Variants in ADGRB3 observed in about 807,000 individuals in gnomAD.
ADGRB3 encodes the protein adhesion G protein-coupled receptor B3, also known as brain-specific angiogenesis inhibitor 3.
In ADGRB3, 37 loss-of-function variants were observed where a neutral mutation model predicts 193.4. The ratio of observed to expected loss-of-function variants is 0.19; its 90% CI spans 0.15 to 0.25. The LOEUF (loss-of-function observed/expected upper bound fraction) is 0.25. Among genes scored for constraint, ADGRB3 ranks in the 10% least tolerant of loss-of-function variants. ADGRB3 has a pLI of 1.00. For missense variants in ADGRB3, 1,637 were observed against 1,852.9 expected (o/e 0.88, Z 2.14); for synonymous variants, 690 against 644.2 (o/e 1.07, Z -1.08).
chr6:68,734,273 T>C (rs1765831449), intron 3 of ADGRB3, among the ~76,000 whole-genome samples: 2 of 151,812 alleles, frequency 1.3e-5, no homozygotes, highest in Admixed American at 1.3e-4. Context: ...GAATGTAGAA[T>C]ACAGGTGGAA....
chr6:68,740,456 A>G (rs1167977691), intron 3 of ADGRB3, among the ~76,000 whole-genome samples: 11 of 152,206 alleles, frequency 7.2e-5, no homozygotes, highest in South Asian at 2.1e-4. Flanking sequence ...AAATATTCTT[A>G]TGGGTAATTA....
chr6:69,209,246 A>G (rs1239439070), intron 17 of ADGRB3, among the ~76,000 whole-genome samples: 1 of 152,332 alleles, frequency 6.6e-6, no homozygotes, highest in Non-Finnish European at 1.5e-5. Context: ...AATGTGCCAG[A>G]GTAACACACC....
chr6:68,638,811 GA>G lies in ADGRB3; in HGVS notation c.139del (p.Met47CysfsTer25). On this transcript the variant is annotated frameshift_variant, in exon 3 of 32. Coordinates refer to ENST00000370598, the MANE Select transcript of ADGRB3 (RefSeq NM_001704.3). LOFTEE classifies it high-confidence loss of function. ...GVIYGSYSVS[E>X]MFPKNFTNCT... ...CATTTATGGATCGTATTCTGTAAGT[GA>G]AATGTTTCCTAAAAACTTTACAAAC... 6.2e-7 allele frequency: 1 copy of G among 1,614,086 alleles called. No homozygotes were observed. The highest frequency in any genetic ancestry group is 8.5e-7 in the Non-Finnish European group (1 of 1,180,008).
intron 3 of ADGRB3, among the ~76,000 whole-genome samples, chr6:68,856,588 A>C (rs1764991699): frequency 6.6e-6 from 1 of 152,200 alleles, no homozygotes; most frequent in Non-Finnish European, 1.5e-5. Flanking sequence ...ATAATTTAGA[A>C]TACCTGGCAG....
chr6:68,862,931 A>AT (rs1378795890), intron 3 of ADGRB3, among the ~76,000 whole-genome samples: 1 of 152,148 alleles, frequency 6.6e-6, no homozygotes, highest in East Asian at 1.9e-4. Context: ...CGTCAATAGA[A>AT]TTGAGTTATA....
intron 17 of ADGRB3, among the ~76,000 whole-genome samples, chr6:69,145,293 C>G (rs2150339199): frequency 6.6e-6 from 1 of 152,300 alleles, no homozygotes; most frequent in Non-Finnish European, 1.5e-5. Flanking sequence ...GCTCCAGGCA[C>G]TGGTATGGGT....
intron 17 of ADGRB3, among the ~76,000 whole-genome samples, chr6:69,124,535 G>A (rs1023560518): frequency 6.6e-6 from 1 of 152,176 alleles, no homozygotes; most frequent in Non-Finnish European, 1.5e-5. Flanking sequence ...CATTAGAAGA[G>A]TGTTGTCGGG....
At chr6:68,758,113 C>T (rs536309780) in intron 3 of ADGRB3, among the ~76,000 whole-genome samples, 2 of 152,138 alleles carry the variant, frequency 1.3e-5, no homozygotes, top group East Asian at 3.9e-4. Flanking sequence ...CTGTTTAATT[C>T]TTTTAAGCCT....
intron 31 of ADGRB3, among the ~76,000 whole-genome samples, chr6:69,383,711 T>C (rs760324505): frequency 1.3e-5 from 2 of 152,004 alleles, no homozygotes; most frequent in Non-Finnish European, 2.9e-5. Flanking sequence ...GTAATTAATG[T>C]ATATCTTCCG....
chr6:69,244,116 G>C (rs575317569), intron 20 of ADGRB3, among the ~76,000 whole-genome samples: 199 of 152,072 alleles, frequency 1.3e-3, no homozygotes, highest in South Asian at 2.5e-3. Flanking sequence ...TTTATGTGTG[G>C]AGCATTGTAT....
chr6:68,889,598 G>T (rs1438709632), intron 3 of ADGRB3, among the ~76,000 whole-genome samples: 1 of 151,434 alleles, frequency 6.6e-6, no homozygotes, highest in Non-Finnish European at 1.5e-5. Flanking sequence ...CGCCTCCTGG[G>T]TTCACACCAT....
At chr6:69,202,244 T>G (rs1765440667) in intron 17 of ADGRB3, among the ~76,000 whole-genome samples, 1 of 152,188 alleles carries the variant, frequency 6.6e-6, no homozygotes, top group African/African-American at 2.4e-5. Context: ...GGCTTTTCAA[T>G]ATTAAGGACA....
chr6:69,085,068 A>G (rs1437826851), intron 17 of ADGRB3, among the ~76,000 whole-genome samples: 1 of 152,106 alleles, frequency 6.6e-6, no homozygotes, highest in African/African-American at 2.4e-5. Flanking sequence ...TCCAGAGTGT[A>G]AAGGAAAAAA....
intron 17 of ADGRB3, among the ~76,000 whole-genome samples, chr6:69,143,609 G>A (rs1044241216): frequency 3.3e-5 from 5 of 152,096 alleles, no homozygotes; most frequent in African/African-American, 1.2e-4. Context: ...TGGATATCCG[G>A]CTTTCTTAGC....
chr6:69,337,213 A>G (rs1031510340), intron 24 of ADGRB3, among the ~76,000 whole-genome samples: 1 of 152,052 alleles, frequency 6.6e-6, no homozygotes, highest in African/African-American at 2.4e-5. Context: ...TCTTAGATTA[A>G]GAAAGACAAC....
chr6:68,856,903 T>G (rs1357924412), intron 3 of ADGRB3, among the ~76,000 whole-genome samples: 1 of 152,204 alleles, frequency 6.6e-6, no homozygotes, highest in Non-Finnish European at 1.5e-5. Flanking sequence ...TGGGCTCTCC[T>G]GCTCTGTGCA....
chr6:68,768,840 T>C (rs949332244), intron 3 of ADGRB3, among the ~76,000 whole-genome samples: 2 of 147,918 alleles, frequency 1.4e-5, no homozygotes, highest in African/African-American at 5.0e-5. Context: ...TAAACAAATT[T>C]ACAAGAAAAA....
intron 3 of ADGRB3, among the ~76,000 whole-genome samples, chr6:68,910,468 T>G (rs1159041737): frequency 3.3e-5 from 5 of 152,234 alleles, no homozygotes; most frequent in Non-Finnish European, 7.3e-5. Flanking sequence ...GTTTTAGACA[T>G]GAAGTCCTTG....
At position 69,031,022 on chromosome 6, in the gene ADGRB3, T is replaced by TC. The variant is rs61484917; in HGVS notation, c.2107+12523_2107+12524insC. Among the ~76,000 whole-genome samples the TC allele has an allele frequency of 8.2e-5, 8 of 97,804 alleles. 1 individual carries two copies. The highest frequency in any genetic ancestry group is 2.6e-4 in the African/African-American group (6 of 23,214). The allele number at this position is 97,804 out of a possible 152,430, so 64.2% of individuals were successfully genotyped here. A position where few individuals can be genotyped will look rare whatever the true frequency, so the allele number is the denominator to read the frequency against. On this transcript the variant is annotated intron_variant, in intron 13 of 31. Coordinates refer to ENST00000370598, the MANE Select transcript of ADGRB3 (RefSeq NM_001704.3). ...TTTCCTTTCTTTTCTTTTCTTTTTT[T>TC]TTTCCTCTTCTCTTCTCTCTTCTCT...
Sources: allele counts gnomAD v4.1 joint callset (sites outside exome capture counted in the v4.1 genomes callset), GRCh38; gene constraint gnomAD v4.1.1; transcripts MANE v1.5; gene names NCBI Gene and HGNC (gene_info 2026-07-23, HGNC 2026-07-21).